The following HEMK2 variants were observed in gnomAD, a reference collection of about 807,000 sequenced individuals.
HEMK2 encodes methyltransferase HEMK2.
chr21:28,755,376 C>T, the HEMK2 span, among the ~76,000 whole-genome samples: 8 of 152,180 alleles, frequency 5.3e-5, no homozygotes, highest in Non-Finnish European at 8.8e-5. Flanking sequence ...ACTCTAGGCA[C>T]GCCACCTTAT....
the HEMK2 span, among the ~76,000 whole-genome samples, chr21:28,879,281 C>T: frequency 2.5e-4 from 38 of 152,082 alleles, no homozygotes; most frequent in East Asian, 6.0e-3. Flanking sequence ...CTCGCACTAT[C>T]GTCCAGGCTG....
At chr21:28,686,327 C>G in the HEMK2 span, among the ~76,000 whole-genome samples, 2 of 152,094 alleles carry the variant, frequency 1.3e-5, no homozygotes, top group African/African-American at 4.8e-5. Flanking sequence ...CTCTGCCTCC[C>G]AGGTTCAAGC....
the HEMK2 span, among the ~76,000 whole-genome samples, chr21:28,619,509 A>G: frequency 6.6e-6 from 1 of 152,216 alleles, no homozygotes; most frequent in Non-Finnish European, 1.5e-5. Flanking sequence ...TGAAGCATTC[A>G]TTTTACCACC....
the HEMK2 span, among the ~76,000 whole-genome samples, chr21:28,863,465 T>TACAC: frequency 3.5e-5 from 3 of 85,596 alleles, no homozygotes; most frequent in East Asian, 4.1e-4. Context: ...TATATATATA[T>TACAC]ATATACTTCA....
At chr21:28,690,854 T>A in the HEMK2 span, among the ~76,000 whole-genome samples, 1 of 152,180 alleles carries the variant, frequency 6.6e-6, no homozygotes, top group Non-Finnish European at 1.5e-5. Context: ...TTCCTTACAG[T>A]CCATCTGTGT....
At chr21:28,674,460 C>A in the HEMK2 span, among the ~76,000 whole-genome samples, 6 of 152,196 alleles carry the variant, frequency 3.9e-5, no homozygotes, top group African/African-American at 1.4e-4. Context: ...AACAGCAGCC[C>A]CAGTCAAAGA....
the HEMK2 span, among the ~76,000 whole-genome samples, chr21:28,704,371 A>C: frequency 6.6e-6 from 1 of 152,272 alleles, no homozygotes; most frequent in East Asian, 1.9e-4. Context: ...TGAGACTTCA[A>C]ACAAAACGCA....
chr21:28,864,820 C>CGAT, the HEMK2 span, among the ~76,000 whole-genome samples: 333 of 119,204 alleles, frequency 2.8e-3, 4 homozygotes, highest in Admixed American at 0.017. Context: ...GACAGACAGA[C>CGAT]AGATAGATAG....
the HEMK2 span, among the ~76,000 whole-genome samples, chr21:28,648,051 A>C: frequency 6.6e-6 from 1 of 152,240 alleles, no homozygotes; most frequent in Admixed American, 6.5e-5. Context: ...AACTGAATTT[A>C]TCAGCAGAGG....
At chr21:28,719,753 T>C in the HEMK2 span, among the ~76,000 whole-genome samples, 1 of 152,220 alleles carries the variant, frequency 6.6e-6, no homozygotes, top group Non-Finnish European at 1.5e-5. Context: ...CCCACCCAAA[T>C]ACACGGAAAG....
the HEMK2 span, among the ~76,000 whole-genome samples, chr21:28,720,163 T>C: frequency 6.6e-6 from 1 of 152,188 alleles, no homozygotes; most frequent in Admixed American, 6.5e-5. Flanking sequence ...ATGAGTTCAA[T>C]ACTAACAATC....
the HEMK2 span, among the ~76,000 whole-genome samples, chr21:28,591,535 G>T: frequency 1.3e-5 from 2 of 152,170 alleles, no homozygotes; most frequent in South Asian, 4.1e-4. Context: ...AACAAGCTGC[G>T]TATCTAATAA....
At chr21:28,612,727 C>G in the HEMK2 span, among the ~76,000 whole-genome samples, 2 of 152,272 alleles carry the variant, frequency 1.3e-5, no homozygotes, top group African/African-American at 4.8e-5. Context: ...AAGAATTCAG[C>G]AAAGTTTTCA....
chr21:28,610,984 G>A, the HEMK2 span, among the ~76,000 whole-genome samples: 1 of 152,080 alleles, frequency 6.6e-6, no homozygotes, highest in Non-Finnish European at 1.5e-5. Context: ...GCACTAGACA[G>A]GTCATCAAGA....
chr21:28,638,774 G>T, the HEMK2 span, among the ~76,000 whole-genome samples: 1 of 152,060 alleles, frequency 6.6e-6, no homozygotes, highest in Non-Finnish European at 1.5e-5. Flanking sequence ...CTGTCTGCCG[G>T]AGCTCCTTGG....
chr21:28,588,389 T>A, the HEMK2 span, among the ~76,000 whole-genome samples: 1 of 152,146 alleles, frequency 6.6e-6, no homozygotes, highest in Admixed American at 6.5e-5. Flanking sequence ...CAGCTACACA[T>A]CTTTTCTGTG....
chr21:28,798,840 C>G, the HEMK2 span, among the ~76,000 whole-genome samples: 1 of 152,184 alleles, frequency 6.6e-6, no homozygotes, highest in African/African-American at 2.4e-5. Flanking sequence ...TGCCACTACT[C>G]TTAAAGCTAG....
the HEMK2 span, among the ~76,000 whole-genome samples, chr21:28,696,294 A>C: frequency 6.6e-6 from 1 of 152,210 alleles, no homozygotes; most frequent in South Asian, 2.1e-4. Context: ...ACCGGGGTAC[A>C]GGCATTGGGT....
chr21:28,711,032 T>C, the HEMK2 span, among the ~76,000 whole-genome samples: 10 of 152,190 alleles, frequency 6.6e-5, no homozygotes, highest in Admixed American at 6.5e-4. Flanking sequence ...TGTTATTTTT[T>C]ACTTTACTTC....
Sources: gnomAD v4.1 joint callset for allele counts (sites outside exome capture counted in the v4.1 genomes callset) on GRCh38, gnomAD v4.1.1 for gene constraint, MANE v1.5 for transcripts, NCBI Gene and HGNC (gene_info 2026-07-23, HGNC 2026-07-21) for gene names.